OR4D10: variants seen among roughly 807,000 people sequenced by gnomAD.
The protein encoded by OR4D10 is olfactory receptor family 4 subfamily D member 10.
For missense variants in OR4D10, 395 were observed against 378.0 expected, an observed-to-expected ratio of 1.04 and a Z score of -0.37; for synonymous variants, 188 against 153.2, an observed-to-expected ratio of 1.23 and a Z score of -1.68.
In OR4D10 at chr11:59,478,288, T is replaced by A. The variant is rs1208184246; in HGVS notation, c.859T>A (p.Tyr287Asn). 3 of 1,614,128 alleles carry A rather than the reference T, an allele frequency of 1.9e-6. No individual in the cohort carries two copies. The East Asian group carries it at 6.7e-5, about 36-fold the overall frequency. Residue 287 changes from tyrosine (Y) to asparagine (N), a missense_variant, in exon 3 of 3, where the codon TAC becomes AAC. Transcript: ENST00000530162. ...CTCCCCTCTGCTCAACCCCTTGATCTACACTCTGAGGAACCATGAGATGAA... is the reference window on the plus strand; with the variant it reads ...CTCCCCTCTGCTCAACCCCTTGATCAACACTCTGAGGAACCATGAGATGAA... ...VISPLLNPLI[Y>N]TLRNHEMKSA...
intron 2 of OR4D10, among the ~76,000 whole-genome samples, chr11:59,476,802 A>G (rs979395213): frequency 3.3e-5 from 5 of 152,066 alleles, no homozygotes; most frequent in Non-Finnish European, 5.9e-5. Context: ...TCTCTTCACT[A>G]CATCCCCCTG....
intron 2 of OR4D10, among the ~76,000 whole-genome samples, chr11:59,474,811 C>T (rs553488402): frequency 1.3e-5 from 2 of 152,154 alleles, no homozygotes; most frequent in Middle Eastern, 3.4e-3. Context: ...AATCTCAGCA[C>T]TTTGGGAGGC....
intron 2 of OR4D10, among the ~76,000 whole-genome samples, chr11:59,474,965 G>A (rs145495560): frequency 0.023 from 3,378 of 148,482 alleles, 123 homozygotes; most frequent in African/African-American, 0.076. Context: ...GGAGGCTGAG[G>A]CAGGAGAATG....
Position 59,477,828 on chromosome 11 carries a change from G to A in OR4D10, c.399G>A (p.Ala133=), listed in dbSNP as rs368659767. 1.1e-4 allele frequency: 172 copies of A among 1,613,882 alleles called. No individual in the cohort carries two copies. Among genetic ancestry groups the A allele is most frequent in the East Asian group, 9.4e-4 (42 of 44,880 alleles). The change falls in exon 3 of 3, where the codon GCG becomes GCA. Residue 133 remains alanine (A), a synonymous_variant. Transcript: ENST00000530162. ...YVAISKPLHY[A]TIMSRDHCIG... Reference sequence around the variant, plus strand: ...CCATCTCCAAGCCCCTGCACTATGCGACTATCATGAGTAGAGACCATTGCA... The same window carrying A: ...CCATCTCCAAGCCCCTGCACTATGCAACTATCATGAGTAGAGACCATTGCA...
rs1361866738 is a variant in OR4D10 at position 59,477,446 on chromosome 11, G to C, written c.17G>C (p.Cys6Ser). 5 of 1,569,210 alleles carry C rather than the reference G, an allele frequency of 3.2e-6. No homozygotes were observed. In the Admixed American group the frequency reaches 9.4e-5, roughly 29 times the overall value. Reference sequence around the variant, plus strand: ...GATGATTGAATGGAGATGGAAAACTGCACCAGGGTAAAAGAATTTATTTTC... The same window carrying C: ...GATGATTGAATGGAGATGGAAAACTCCACCAGGGTAAAAGAATTTATTTTC... MEMEN[C>S]TRVKEFIFLG... Residue 6 changes from cysteine to serine, a missense_variant, in exon 3 of 3, where the codon TGC (cysteine) becomes TCC (serine). Coordinates refer to ENST00000530162, the MANE Select transcript of OR4D10 (RefSeq NM_001004705.2).
intron 2 of OR4D10, among the ~76,000 whole-genome samples, chr11:59,476,833 C>A (rs1858913308): frequency 6.6e-6 from 1 of 151,628 alleles, no homozygotes; most frequent in Non-Finnish European, 1.5e-5. Flanking sequence ...CAGCGAAATT[C>A]TTCCTTTGGG....
Position 59,474,267 on chromosome 11 carries a change from A to G in OR4D10, c.-169+474A>G, listed in dbSNP as rs556887392. ...GATTTTGTTACTGACAGAAATGATC[A>G]TATCTCTTACCACAGGTGATGTGCC... On this transcript the variant is annotated intron_variant, in intron 2 of 2. Transcript: ENST00000530162. Among the ~76,000 whole-genome samples the G allele has an allele frequency of 2.0e-5, 3 of 152,308 alleles. No homozygotes were observed. In the East Asian group the frequency reaches 5.8e-4, roughly 29 times the overall value.
At position 59,478,561 on chromosome 11, in the gene OR4D10, C is replaced by T; in HGVS notation, c.*196C>T. 1 of 421,040 alleles carries T rather than the reference C, an allele frequency of 2.4e-6. No individual in the cohort carries two copies. Among genetic ancestry groups the T allele is most frequent in the Non-Finnish European group, 4.1e-6 (1 of 241,566 alleles). The allele number at this position is 421,040 out of a possible 1,614,324, so 26.1% of individuals were successfully genotyped here. A position where few individuals can be genotyped will look rare whatever the true frequency, so the allele number is the denominator to read the frequency against. On this transcript the variant is annotated 3_prime_UTR_variant, in exon 3 of 3. Transcript: ENST00000530162. ...TCACACCTTCTAATTGAAAATAAAC[C>T]AGAGCTCCCTCCTCTTTACCACCAA...
At chr11:59,476,304 G>A (rs1858906977) in intron 2 of OR4D10, among the ~76,000 whole-genome samples, 1 of 152,158 alleles carries the variant, frequency 6.6e-6, no homozygotes, top group Admixed American at 6.5e-5. Flanking sequence ...GGAAAAACAG[G>A]ACAGGAGGTT....
In OR4D10 at chr11:59,477,939, A is replaced by C. The variant is rs768035406; in HGVS notation, c.510A>C (p.Gly170=). Residue 170 remains glycine, a synonymous_variant, in exon 3 of 3, where the codon GGA becomes GGC. Transcript: ENST00000530162. ...TGTTGCTCCCACTCCCTTTCTGCGG[A>C]CCCAATGTTCTTGACACTTTCTACT... ...ISLLLPLPFC[G]PNVLDTFYCD... 5.0e-6 allele frequency: 8 copies of C among 1,613,834 alleles called. No homozygotes were observed. The Admixed American group carries it at 1.3e-4, about 27-fold the overall frequency.
chr11:59,477,650 C>A lies in OR4D10; in HGVS notation c.221C>A (p.Ser74Tyr), dbSNP rs1590625393. Residue 74 changes from serine (S) to tyrosine (Y), a missense_variant, in exon 3 of 3, where the codon TCT (serine) becomes TAT (tyrosine). Physicochemically the swap from Ser to Tyr is moderately radical, Grantham distance 144. Transcript: ENST00000530162. ...TTATCTATTGCCGATATCTGCTTCT[C>A]TTCCATCACAGTGCCCAAGGTTCTG... ...HNLSIADICF[S>Y]SITVPKVLVD... is the part of the protein sequence containing the mutation. 1.2e-6 allele frequency: 2 copies of A among 1,614,178 alleles called. No homozygotes were observed. The highest frequency in any genetic ancestry group is 1.7e-6 in the Non-Finnish European group (2 of 1,180,014).
At chr11:59,474,627 C>T (rs187644100) in intron 2 of OR4D10, among the ~76,000 whole-genome samples, 179 of 152,190 alleles carry the variant, frequency 1.2e-3, no homozygotes, top group Non-Finnish European at 2.0e-3. Flanking sequence ...ATACAGTATC[C>T]GCTGCCTCCC....
rs1858931671 is a variant in OR4D10 at position 59,478,188 on chromosome 11, C to T, written c.759C>T (p.Pro253=). Residue 253 remains proline (P), a synonymous_variant, in exon 3 of 3, where the codon CCC becomes CCT. Coordinates refer to ENST00000530162, the MANE Select transcript of OR4D10 (RefSeq NM_001004705.2). ...HITVVTLHFV[P]CIYVYARPFT... ...CTGTGGTGACCCTGCATTTCGTGCC[C>T]TGCATCTATGTCTATGCCCGGCCCT... The T allele has an allele frequency of 6.2e-7, 1 of 1,614,048 alleles. No homozygotes were observed. Among genetic ancestry groups the T allele is most frequent in the African/African-American group, 1.3e-5 (1 of 74,996 alleles).
chr11:59,477,570 C>T lies in OR4D10; in HGVS notation c.141C>T (p.Val47=). The T allele has an allele frequency of 3.1e-6, 5 of 1,614,154 alleles. No individual in the cohort carries two copies. The highest frequency in any genetic ancestry group is 4.2e-6 in the Non-Finnish European group (5 of 1,180,016). ...TTLLGNLLIM[V]TVTCESRLHT... ...TGCTGGGAAACCTCCTCATCATGGT[C>T]ACTGTTACCTGTGAATCTCGCCTTC... Residue 47 remains valine (V), a synonymous_variant, in exon 3 of 3, where the codon GTC becomes GTT. Coordinates refer to ENST00000530162, the MANE Select transcript of OR4D10 (RefSeq NM_001004705.2).
In OR4D10 at chr11:59,477,560, T is replaced by C. The variant is rs543486925; in HGVS notation, c.131T>C (p.Leu44Pro). ...VYVTTLLGNL[L>P]IMVTVTCESR... ...GTGACAACTTTGCTGGGAAACCTCC[T>C]CATCATGGTCACTGTTACCTGTGAA... The change falls in exon 3 of 3, where the codon CTC (leucine) becomes CCC (proline). Residue 44 changes from leucine to proline, a missense_variant. Coordinates refer to ENST00000530162, the MANE Select transcript of OR4D10 (RefSeq NM_001004705.2). 1 of 1,614,072 alleles carries C rather than the reference T, an allele frequency of 6.2e-7. No homozygotes were observed. Among genetic ancestry groups the C allele is most frequent in the Non-Finnish European group, 8.5e-7 (1 of 1,180,016 alleles).
Position 59,477,954 on chromosome 11 carries a change from C to T in OR4D10, c.525C>T (p.Asp175=). ...CTTTCTGCGGACCCAATGTTCTTGA[C>T]ACTTTCTACTGTGATGTCCACCGGG... ...PLPFCGPNVL[D]TFYCDVHRVL... Residue 175 remains aspartate (D), a synonymous_variant, in exon 3 of 3, where the codon GAC becomes GAT. Transcript: ENST00000530162. 6.2e-7 allele frequency: 1 copy of T among 1,614,160 alleles called. No homozygotes were observed. The highest frequency in any genetic ancestry group is 8.5e-7 in the Non-Finnish European group (1 of 1,180,022).
In OR4D10 at chr11:59,477,855, T is replaced by C. The variant is rs373869761; in HGVS notation, c.426T>C (p.Ile142=). Residue 142 remains isoleucine (I), a synonymous_variant, in exon 3 of 3, where the codon ATT becomes ATC. Coordinates refer to ENST00000530162, the MANE Select transcript of OR4D10 (RefSeq NM_001004705.2). The part of the protein sequence containing the change: ...YATIMSRDHC[I]GLTVAAWLGG... ...CTATCATGAGTAGAGACCATTGCAT[T>C]GGGCTCACAGTGGCTGCCTGGTTGG... The C allele has an allele frequency of 2.8e-5, 45 of 1,614,030 alleles. No individual in the cohort carries two copies. The highest frequency in any genetic ancestry group is 3.5e-5 in the Non-Finnish European group (41 of 1,180,040).
Position 59,477,787 on chromosome 11 carries a change from T to C in OR4D10, c.358T>C (p.Leu120=), listed in dbSNP as rs1469371927. 1.2e-6 allele frequency: 2 copies of C among 1,614,184 alleles called. No homozygotes were observed. The highest frequency in any genetic ancestry group is 8.5e-7 in the Non-Finnish European group (1 of 1,180,034). Residue 120 remains leucine, a synonymous_variant, in exon 3 of 3, where the codon TTG becomes CTG. Coordinates refer to ENST00000530162, the MANE Select transcript of OR4D10 (RefSeq NM_001004705.2). ...TGTATTTTCTCTTTCGGTGATGGCATTGGATCGATATGTGGCCATCTCCAA... is the reference window on the plus strand; with the variant it reads ...TGTATTTTCTCTTTCGGTGATGGCACTGGATCGATATGTGGCCATCTCCAA... ...VDVFSLSVMA[L]DRYVAISKPL...
rs764150531 is a variant in OR4D10 at position 59,478,229 on chromosome 11, T to C, written c.800T>C (p.Met267Thr). The part of the protein sequence containing the change: ...VYARPFTALP[M>T]DKAISVTFTV... ...GCCCGGCCCTTCACTGCCCTCCCCA[T>C]GGATAAGGCCATCTCTGTCACCTTC... Residue 267 changes from methionine (M) to threonine (T), a missense_variant, in exon 3 of 3, where the codon ATG (methionine) becomes ACG (threonine). Met to Thr is a moderately conservative substitution (Grantham distance 81). Transcript: ENST00000530162. The C allele has an allele frequency of 1.9e-5, 30 of 1,613,880 alleles. No individual in the cohort carries two copies. The highest frequency in any genetic ancestry group is 1.3e-4 in the East Asian group (6 of 44,856).
Sources: allele counts gnomAD v4.1 joint callset (sites outside exome capture counted in the v4.1 genomes callset), GRCh38; gene constraint gnomAD v4.1.1; transcripts MANE v1.5; gene names NCBI Gene and HGNC (gene_info 2026-07-23, HGNC 2026-07-21).